The following PCNT variants were observed in gnomAD, a reference collection of about 807,000 sequenced individuals.
The protein encoded by PCNT is kendrin.
PCNT carries 319 observed loss-of-function variants against 380.4 expected under a neutral mutation model. That is an observed-to-expected ratio of 0.84 (90% CI 0.77 to 0.92). The LOEUF (loss-of-function observed/expected upper bound fraction) is 0.92, where lower values mean the gene tolerates loss of function less well. Among genes scored for constraint, PCNT ranks in the 40% least tolerant of loss-of-function variants. The probability of loss-of-function intolerance (pLI) is 0.00; values close to 1 mark genes in which losing one functional copy is unlikely to be tolerated. For synonymous variants in PCNT, 1,845 were observed against 1,735.2 expected (o/e 1.06, Z -1.57); for missense variants, 4,400 against 4,255.3 (o/e 1.03, Z -0.95).
chr21:46,416,880 G>A, intron 30 of PCNT, 41 bp downstream of exon 30: 2 of 1,591,330 alleles, frequency 1.3e-6, no homozygotes, highest in Non-Finnish European at 1.7e-6. Flanking sequence ...GTTCCCGTGG[G>A]AATGTGGTCT....
chr21:46,336,746 G>A (rs1300306507), intron 3 of PCNT, among the ~76,000 whole-genome samples: 1 of 152,064 alleles, frequency 6.6e-6, no homozygotes, highest in Non-Finnish European at 1.5e-5. Flanking sequence ...AGTGAGGAAG[G>A]GTGTGCCTGG....
At chr21:46,370,022 C>G (rs112592647) in intron 15 of PCNT, among the ~76,000 whole-genome samples, 25 of 152,318 alleles carry the variant, frequency 1.6e-4, no homozygotes, top group Middle Eastern at 3.4e-3. Flanking sequence ...TGCAGGTGAG[C>G]AGCTCCACGT....
rs755531939 is a variant in PCNT at position 46,391,178 on chromosome 21, T to A, written c.4018T>A (p.Phe1340Ile). ...CTCCCACAAAGGTACCCTTGAGGGA[T>A]TCAAGGTGGAGACAGCAGATCTGAA... The part of the protein sequence containing the change: ...LHKTQGTLEG[F>I]KVETADLKEV... Residue 1340 changes from phenylalanine to isoleucine, a missense_variant, in exon 21 of 47, where the codon TTC becomes ATC. Physicochemically the swap from Phe to Ile is conservative, Grantham distance 21. Transcript: ENST00000359568. 6 of 1,601,916 alleles carry A rather than the reference T, an allele frequency of 3.7e-6. No homozygotes were observed. The African/African-American group carries it at 6.7e-5, about 18-fold the overall frequency.
At chr21:46,390,334 T>A (rs1034963363) in intron 19 of PCNT, among the ~76,000 whole-genome samples, 3 of 152,168 alleles carry the variant, frequency 2.0e-5, no homozygotes, top group African/African-American at 7.2e-5. Context: ...AAAAATTCTT[T>A]TTTGCTAAGT....
chr21:46,328,640 T>C (rs2146274989), intron 2 of PCNT, among the ~76,000 whole-genome samples: 1 of 151,900 alleles, frequency 6.6e-6, no homozygotes, highest in East Asian at 1.9e-4. Flanking sequence ...TTTGTATTTT[T>C]AGTAGAGACA....
intron 1 of PCNT, chr21:46,325,044 C>G (rs901572117): frequency 4.1e-6 from 4 of 985,530 alleles, no homozygotes; most frequent in Non-Finnish European, 3.6e-6. Flanking sequence ...GGACGCGCTC[C>G]CGTCTTTCTC....
In PCNT at chr21:46,436,469, G is replaced by GCCCCCCCCCCCC. The variant is rs769557050; in HGVS notation, c.8996+321_8996+322insCCCCCCCCCCCC. On this transcript the variant is annotated intron_variant, in intron 39 of 46. Coordinates refer to ENST00000359568, the MANE Select transcript of PCNT (RefSeq NM_006031.6). Reference sequence around the variant, plus strand: ...CAGGGTCGGGTTTGGAGCCTCCTGTGGCCCCCCCCCCCCCCCCCCGCTGGC... The same window carrying GCCCCCCCCCCCC: ...CAGGGTCGGGTTTGGAGCCTCCTGTGCCCCCCCCCCCCGCCCCCCCCCCCCCCCCCCGCTGGC... Among the ~76,000 whole-genome samples the GCCCCCCCCCCCC allele has an allele frequency of 3.1e-3, 126 of 40,034 alleles. 51 individuals carry two copies. The highest frequency in any genetic ancestry group is 5.0e-3 in the Non-Finnish European group (86 of 17,222). 26.3% of individuals were successfully genotyped at this position (40,034 alleles called of 152,430 possible). A position where few individuals can be genotyped will look rare whatever the true frequency, so the allele number is the denominator to read the frequency against.
intron 40 of PCNT, among the ~76,000 whole-genome samples, chr21:46,437,598 C>G (rs2053497257): frequency 6.6e-6 from 1 of 152,246 alleles, no homozygotes; most frequent in Admixed American, 6.5e-5. Context: ...TAAGCTGCCT[C>G]TGAAGGAGGT....
At position 46,411,650 on chromosome 21, in the gene PCNT, C is replaced by T. The variant is rs748028039; in HGVS notation, c.5577C>T (p.Phe1859=). Residue 1859 remains phenylalanine, a synonymous_variant, in exon 28 of 47, where the codon TTC becomes TTT. Transcript: ENST00000359568. The stretch of plus-strand genomic sequence containing the variant: ...ACATGGCCTCCCGGATCCAGGAGTT[C>T]GAAGCGGCCCTGAAAGCAAAGGAAG... ...VEDMASRIQE[F]EAALKAKEAT... is the part of the protein sequence containing the mutation. 5.0e-6 allele frequency: 8 copies of T among 1,613,054 alleles called. No individual in the cohort carries two copies. The highest frequency in any genetic ancestry group is 2.2e-5 in the East Asian group (1 of 44,876).
At chr21:46,426,219 A>G (rs1046518024) in intron 33 of PCNT, among the ~76,000 whole-genome samples, 2 of 151,482 alleles carry the variant, frequency 1.3e-5, no homozygotes, top group Non-Finnish European at 2.9e-5. Flanking sequence ...TTTTTAGTAG[A>G]GACGGGCTTT....
chr21:46,361,743 C>T (rs1185209727), intron 13 of PCNT, among the ~76,000 whole-genome samples: 1 of 152,234 alleles, frequency 6.6e-6, no homozygotes, highest in Non-Finnish European at 1.5e-5. Flanking sequence ...TGCTGTGCTG[C>T]ACACATTTTC....
At chr21:46,380,567 A>G (rs1198094390) in intron 15 of PCNT, among the ~76,000 whole-genome samples, 1 of 151,670 alleles carries the variant, frequency 6.6e-6, no homozygotes, top group Non-Finnish European at 1.5e-5. Flanking sequence ...GGGTGCTCCA[A>G]ATCCATTCTG....
chr21:46,429,573 G>A (rs796328532), intron 35 of PCNT, among the ~76,000 whole-genome samples: 37 of 152,348 alleles, frequency 2.4e-4, no homozygotes, highest in African/African-American at 8.7e-4. Context: ...GTGCTGGGTA[G>A]CGCCAGCCCC....
chr21:46,387,200 C>T (rs2085867990), intron 17 of PCNT, among the ~76,000 whole-genome samples: 1 of 152,220 alleles, frequency 6.6e-6, no homozygotes, highest in South Asian at 2.1e-4. Flanking sequence ...GTCTGTCATG[C>T]TGAGGGTCCA....
chr21:46,389,533 G>A lies in PCNT; in HGVS notation c.3840+102G>A, dbSNP rs2085961174. 4 of 885,008 alleles carry A rather than the reference G, an allele frequency of 4.5e-6. No individual in the cohort carries two copies. In the Middle Eastern group the frequency reaches 7.0e-4, roughly 154 times the overall value. 54.8% of individuals were successfully genotyped at this position (885,008 alleles called of 1,614,324 possible). ...TGCCGGTGCCAACGACGCTCGCACG[G>A]GTTTCTCCCCAAGGAGGAGGCTTTT... On this transcript the variant is annotated intron_variant, in intron 19 of 46. Transcript: ENST00000359568.
chr21:46,396,973 G>T (rs897600138), intron 21 of PCNT, among the ~76,000 whole-genome samples: 38 of 152,136 alleles, frequency 2.5e-4, no homozygotes, highest in African/African-American at 9.2e-4. Flanking sequence ...CAGGCTCTCA[G>T]CACCGTCCGT....
rs201176638 is a variant in PCNT, at chr21:46,334,556, C to A, written c.427C>A (p.Arg143Ser). ...AGTCGGTGACCACCCACCAGAACAG[C>A]GTGGGATGTTCACAGTCAGTGACCA... Reference protein sequence around the residue: ...FTVGDHPPEQRGMFTVSDHPP... With the variant: ...FTVGDHPPEQSGMFTVSDHPP... Residue 143 changes from arginine (R) to serine (S), a missense_variant, in exon 3 of 47, where the codon CGT becomes AGT. Coordinates refer to ENST00000359568, the MANE Select transcript of PCNT (RefSeq NM_006031.6). 1 of 1,598,784 alleles carries A rather than the reference C, an allele frequency of 6.3e-7. No homozygotes were observed. Among genetic ancestry groups the A allele is most frequent in the African/African-American group, 1.3e-5 (1 of 74,230 alleles).
chr21:46,403,554 T>TG (rs2086513171), intron 27 of PCNT, among the ~76,000 whole-genome samples: 7 of 104,174 alleles, frequency 6.7e-5, no homozygotes. Flanking sequence ...CGTGGGAGAA[T>TG]TGTGTGTGTG....
At chr21:46,352,319 C>T (rs1333348356) in intron 9 of PCNT, among the ~76,000 whole-genome samples, 3 of 152,214 alleles carry the variant, frequency 2.0e-5, no homozygotes, top group South Asian at 2.1e-4. Flanking sequence ...TGCGCCCTGC[C>T]GGGACCAGGT....
Sources: gnomAD v4.1 joint callset for allele counts (sites outside exome capture counted in the v4.1 genomes callset) on GRCh38, gnomAD v4.1.1 for gene constraint, MANE v1.5 for transcripts, NCBI Gene and HGNC (gene_info 2026-07-23, HGNC 2026-07-21) for gene names.